Variants in DAZ1 observed in about 807,000 individuals in gnomAD.
DAZ1 encodes the protein deleted in azoospermia protein 1.
At chrY:23,156,701 G>GA (rs2090082231) in intron 21 of DAZ1, among the ~76,000 whole-genome samples, 1 of 17,769 alleles carries the variant, frequency 5.6e-5, no homozygotes, top group Non-Finnish European at 1.4e-4. Flanking sequence ...ATATGACATG[G>GA]AAAAAAATCA....
At chrY:23,171,243 A>G in intron 11 of DAZ1, among the ~76,000 whole-genome samples, 1 of 17,019 alleles carries the variant, frequency 5.9e-5, no homozygotes, top group South Asian at 1.8e-3. Flanking sequence ...TTTCTGAAGT[A>G]GTATTCATAA....
intron 23 of DAZ1, among the ~76,000 whole-genome samples, chrY:23,150,829 TG>T (rs2090080703): frequency 4.3e-5 from 1 of 23,074 alleles, no homozygotes. Flanking sequence ...TTAATACATT[TG>T]CAATTTGCTG....
At chrY:23,171,250 A>G in intron 11 of DAZ1, among the ~76,000 whole-genome samples, 2 of 17,968 alleles carry the variant, frequency 1.1e-4, no homozygotes, top group Non-Finnish European at 2.2e-4. Context: ...AGTAGTATTC[A>G]TAAGTAATAT....
At chrY:23,165,993 CA>C (rs2090084204) in intron 17 of DAZ1, among the ~76,000 whole-genome samples, 1 of 27,955 alleles carries the variant, frequency 3.6e-5, no homozygotes. Flanking sequence ...TAATTAACAG[CA>C]AAACATTTCT....
chrY:23,171,236 C>T, intron 11 of DAZ1, among the ~76,000 whole-genome samples: 2 of 15,773 alleles, frequency 1.3e-4, no homozygotes, highest in Non-Finnish European at 2.4e-4. Flanking sequence ...GTAAAATTTT[C>T]TGAAGTAGTA....
intron 11 of DAZ1, among the ~76,000 whole-genome samples, chrY:23,171,368 T>C (rs2090086550): frequency 7.3e-5 from 1 of 13,772 alleles, no homozygotes; most frequent in Admixed American, 6.3e-4. Flanking sequence ...TTGCCAGCTA[T>C]GTATCTGTGG....
At chrY:23,159,050 A>C (rs1267883001) in intron 20 of DAZ1, among the ~76,000 whole-genome samples, 18 of 31,774 alleles carry the variant, frequency 5.7e-4, no homozygotes, top group Admixed American at 1.6e-3. Flanking sequence ...ACAACAACAA[A>C]AAAAAATTAA....
intron 11 of DAZ1, among the ~76,000 whole-genome samples, chrY:23,171,325 T>A: frequency 5.2e-5 from 1 of 19,328 alleles, no homozygotes; most frequent in South Asian, 1.5e-3. Flanking sequence ...TAGGTTTATG[T>A]CCCTTACAGG....
intron 17 of DAZ1, among the ~76,000 whole-genome samples, chrY:23,166,031 T>G: frequency 3.5e-5 from 1 of 28,242 alleles, no homozygotes; most frequent in Admixed American, 3.5e-4. Context: ...TTTTTTATGG[T>G]TGGTACATCC....
chrY:23,188,148 C>T (rs2090087915), intron 6 of DAZ1, among the ~76,000 whole-genome samples: 1 of 18,966 alleles, frequency 5.3e-5, no homozygotes, highest in East Asian at 2.1e-3. Flanking sequence ...AAAAGGAAAC[C>T]AATATTATTC....
At chrY:23,150,846 A>G in intron 23 of DAZ1, among the ~76,000 whole-genome samples, 1 of 23,084 alleles carries the variant, frequency 4.3e-5, no homozygotes, top group African/African-American at 1.8e-4. Context: ...TGCTGTAAGA[A>G]TATTTCTAGA....
chrY:23,156,804 T>TA (rs1556273277), intron 21 of DAZ1, among the ~76,000 whole-genome samples: 1 of 14,582 alleles, frequency 6.9e-5, no homozygotes, highest in East Asian at 2.3e-3. Context: ...GGTGGCATCT[T>TA]AAAAAAAAAA....
intron 23 of DAZ1, among the ~76,000 whole-genome samples, chrY:23,150,859 G>A: frequency 4.6e-5 from 1 of 21,689 alleles, no homozygotes; most frequent in Non-Finnish European, 9.9e-5. Context: ...TTTCTAGACT[G>A]TTTTGTATCA....
chrY:23,166,428 G>C, intron 17 of DAZ1, among the ~76,000 whole-genome samples: 1 of 10,084 alleles, frequency 9.9e-5, no homozygotes, highest in African/African-American at 3.3e-4. Context: ...CAGTGCAGTG[G>C]AATCTTAAAT....
chrY:23,163,884 GA>G (rs2090083791), intron 18 of DAZ1, among the ~76,000 whole-genome samples: 1 of 17,075 alleles, frequency 5.9e-5, no homozygotes, highest in Non-Finnish European at 1.3e-4. Flanking sequence ...ATATGACATG[GA>G]AAAAAATCAA....
At chrY:23,159,095 T>C in intron 20 of DAZ1, among the ~76,000 whole-genome samples, 1 of 30,874 alleles carries the variant, frequency 3.2e-5, no homozygotes, top group Admixed American at 3.4e-4. Flanking sequence ...TGTAGGCATA[T>C]ATGACATGGA....
chrY:23,167,001 CA>C (rs2090085331), intron 17 of DAZ1, among the ~76,000 whole-genome samples, 183 bp downstream of exon 17: 1 of 28,126 alleles, frequency 3.6e-5, no homozygotes, highest in Admixed American at 3.4e-4. Flanking sequence ...ACCCTCCTGT[CA>C]AAATCTTATT....
intron 17 of DAZ1, among the ~76,000 whole-genome samples, chrY:23,166,010 T>C: frequency 3.4e-5 from 1 of 29,037 alleles, no homozygotes; most frequent in Non-Finnish European, 8.4e-5. Flanking sequence ...TTTCTGTTTC[T>C]CTTTATGAAA....
Sources: gnomAD v4.1 joint callset for allele counts (sites outside exome capture counted in the v4.1 genomes callset) on GRCh38, gnomAD v4.1.1 for gene constraint, MANE v1.5 for transcripts, NCBI Gene and HGNC (gene_info 2026-07-23, HGNC 2026-07-21) for gene names.